Variants in BCL2L11 observed in about 807,000 individuals in gnomAD.
BCL2L11 encodes the protein bcl-2-like protein 11.
A neutral mutation model predicts 20.6 loss-of-function variants in BCL2L11; 15 were observed. The ratio of observed to expected loss-of-function variants is 0.73; its 90% CI spans 0.49 to 1.12. The LOEUF is 1.12. Ranked by LOEUF, BCL2L11 falls within the 50% of genes most tolerant of loss-of-function variation. The pLI is 0.00. For missense variants in BCL2L11, 292 were observed against 260.9 expected (o/e 1.12, Z -0.82); for synonymous variants, 108 against 92.8 (o/e 1.16, Z -0.94).
chr2:111,141,232 T>C (rs540325218), intron 2 of BCL2L11, among the ~76,000 whole-genome samples: 13 of 152,068 alleles, frequency 8.5e-5, no homozygotes, highest in African/African-American at 2.9e-4. Context: ...TATTGCGGCA[T>C]TATTCACAAT....
intron 3 of BCL2L11, among the ~76,000 whole-genome samples, chr2:111,157,372 G>A (rs1305371078): frequency 6.6e-6 from 1 of 152,200 alleles, no homozygotes; most frequent in Non-Finnish European, 1.5e-5. Flanking sequence ...TCTACCACCT[G>A]AAACAAAGTG....
chr2:111,161,517 G>T, intron 3 of BCL2L11: 1 of 1,549,396 alleles, frequency 6.5e-7, no homozygotes, highest in Admixed American at 2.0e-5. Context: ...TCAGGAAGAC[G>T]GTCAAGGCAT....
chr2:111,122,146 G>A (rs544471500), intron 1 of BCL2L11, among the ~76,000 whole-genome samples: 2 of 152,230 alleles, frequency 1.3e-5, no homozygotes, highest in Admixed American at 6.5e-5. Context: ...CACCAGGAGA[G>A]AGAGGAAGTT....
chr2:111,124,383 C>T (rs573368381), intron 2 of BCL2L11, among the ~76,000 whole-genome samples: 14 of 151,984 alleles, frequency 9.2e-5, no homozygotes, highest in Non-Finnish European at 1.8e-4. Flanking sequence ...CTCCACCTCC[C>T]GGGTTCAAGC....
rs187318046 is a variant in BCL2L11 at position 111,137,535 on chromosome 2, T to G, written c.395-12509T>G. Among the ~76,000 whole-genome samples the G allele has an allele frequency of 1.7e-3, 254 of 152,202 alleles. 4 individuals carry two copies. The highest frequency in any genetic ancestry group is 1.0e-3 in the South Asian group (5 of 4,826). On this transcript the variant is annotated intron_variant, in intron 2 of 3. Transcript: ENST00000393256. ...CTCATCACACCTGTCCTTGGAGACCTCACAGGCTTGGTCCTGTGCTGACTG... is the reference window on the plus strand; with the variant it reads ...CTCATCACACCTGTCCTTGGAGACCGCACAGGCTTGGTCCTGTGCTGACTG...
At chr2:111,141,131 A>G (rs966873844) in intron 2 of BCL2L11, among the ~76,000 whole-genome samples, 1 of 152,332 alleles carries the variant, frequency 6.6e-6, no homozygotes, top group Non-Finnish European at 1.5e-5. Context: ...TGTTAGGGCC[A>G]TGGCCCTTCC....
At chr2:111,152,445 A>G (rs898011936) in intron 3 of BCL2L11, among the ~76,000 whole-genome samples, 2 of 152,250 alleles carry the variant, frequency 1.3e-5, no homozygotes, top group African/African-American at 4.8e-5. Context: ...AGGATATTAT[A>G]CAAGTTTCTC....
chr2:111,166,155 TACACCAA>T lies in BCL2L11; in HGVS notation c.*1926_*1932del, dbSNP rs2079009250. 2 of 152,802 alleles carry T rather than the reference TACACCAA, an allele frequency of 1.3e-5. No homozygotes were observed. The highest frequency in any genetic ancestry group is 4.1e-4 in the South Asian group (2 of 4,828). 9.5% of individuals were successfully genotyped at this position (152,802 alleles called of 1,614,324 possible). Reference sequence around the variant, plus strand: ...GCCGTGGGCCTGCTGGACACACACATACACCAAAGATGTATTTGGATCTGGGCACCCC... The same window carrying T: ...GCCGTGGGCCTGCTGGACACACACATAGATGTATTTGGATCTGGGCACCCC... On this transcript the variant is annotated 3_prime_UTR_variant, in exon 4 of 4. Coordinates refer to ENST00000393256, the MANE Select transcript of BCL2L11 (RefSeq NM_138621.5).
intron 2 of BCL2L11, among the ~76,000 whole-genome samples, chr2:111,133,082 A>G (rs1213907292): frequency 1.3e-5 from 2 of 152,218 alleles, no homozygotes; most frequent in Admixed American, 1.3e-4. Context: ...AACTTATGCA[A>G]ATAACTATAT....
At chr2:111,161,489 C>T (rs1156376739) in intron 3 of BCL2L11, 1 of 1,550,136 alleles carries the variant, frequency 6.5e-7, no homozygotes, top group Non-Finnish European at 8.7e-7. Context: ...GGGAGGCCAG[C>T]TCTGCAGACA....
intron 2 of BCL2L11, chr2:111,146,283 G>A: frequency 1.1e-6 from 1 of 952,102 alleles, no homozygotes; most frequent in Non-Finnish European, 1.3e-6. Context: ...CCATTTTATA[G>A]ACCAGGTATC....
At chr2:111,141,106 G>T (rs1461341477) in intron 2 of BCL2L11, among the ~76,000 whole-genome samples, 1 of 152,226 alleles carries the variant, frequency 6.6e-6, no homozygotes. Flanking sequence ...GCCTTAGCCT[G>T]CCTGGAAATC....
chr2:111,146,346 T>A (rs1209738230), intron 2 of BCL2L11: 6 of 638,226 alleles, frequency 9.4e-6, no homozygotes, highest in Non-Finnish European at 1.2e-5. Context: ...ATATTTATGC[T>A]TGGTTCTTAC....
chr2:111,127,635 G>A (rs1158842120), intron 2 of BCL2L11, among the ~76,000 whole-genome samples: 1 of 152,034 alleles, frequency 6.6e-6, no homozygotes, highest in Non-Finnish European at 1.5e-5. Flanking sequence ...GAAGAAGGCA[G>A]GTAGCAAGAA....
At position 111,123,988 on chromosome 2, in the gene BCL2L11, C is replaced by T. The variant is rs780314258; in HGVS notation, c.243C>T (p.Ile81=). 6.2e-7 allele frequency: 1 copy of T among 1,614,260 alleles called. No individual in the cohort carries two copies. Among genetic ancestry groups the T allele is most frequent in the South Asian group, 1.1e-5 (1 of 91,092 alleles). Residue 81 remains isoleucine (I), a synonymous_variant, in exon 2 of 4, where the codon ATC becomes ATT. Coordinates refer to ENST00000393256, the MANE Select transcript of BCL2L11 (RefSeq NM_138621.5). ...GPFATRSPLF[I]FMRRSSLLSR... ...TTGCTACCAGATCCCCGCTTTTCAT[C>T]TTTATGAGAAGATCCTCCCTGCTGT... is the stretch of plus-strand genomic sequence containing the variant.
At chr2:111,122,585 C>A in intron 1 of BCL2L11, 1 of 983,210 alleles carries the variant, frequency 1.0e-6, no homozygotes, top group Non-Finnish European at 1.2e-6. Flanking sequence ...GCGCCAGCGG[C>A]GCGGGGAGGT....
intron 1 of BCL2L11, chr2:111,122,863 C>T (rs2071439664): frequency 1.3e-5 from 13 of 985,484 alleles, no homozygotes; most frequent in Non-Finnish European, 1.2e-5. Context: ...AGGGCGCGGG[C>T]CGGACGCCGC....
intron 2 of BCL2L11, among the ~76,000 whole-genome samples, chr2:111,125,625 C>T (rs998841148): frequency 6.6e-6 from 1 of 152,174 alleles, no homozygotes; most frequent in Non-Finnish European, 1.5e-5. Context: ...TCAGGCAGGC[C>T]TTTGCCCATG....
At chr2:111,135,048 A>G (rs570638634) in intron 2 of BCL2L11, among the ~76,000 whole-genome samples, 205 of 152,144 alleles carry the variant, frequency 1.3e-3, no homozygotes, top group Non-Finnish European at 2.3e-3. Flanking sequence ...GTTTTATGCC[A>G]GGTTTGGGAA....
Sources: gnomAD v4.1 joint callset for allele counts (sites outside exome capture counted in the v4.1 genomes callset) on GRCh38, gnomAD v4.1.1 for gene constraint, MANE v1.5 for transcripts, NCBI Gene and HGNC (gene_info 2026-07-23, HGNC 2026-07-21) for gene names.